MAGI2: variants seen among roughly 807,000 people sequenced by gnomAD.
MAGI2 encodes the protein membrane associated guanylate kinase, WW and PDZ domain containing 2.
MAGI2 carries 35 observed loss-of-function variants against 133.3 expected under a neutral mutation model. The observed-to-expected ratio is 0.26, with a 90% CI of 0.20 to 0.35. The LOEUF (loss-of-function observed/expected upper bound fraction) is 0.35. Among genes scored for constraint, MAGI2 ranks in the 10% least tolerant of loss-of-function variants. The pLI, the probability that MAGI2 is intolerant of heterozygous loss-of-function variation, is 1.00. For missense variants in MAGI2, 1,636 were observed against 1,863.4 expected (o/e 0.88, Z 2.25); for synonymous variants, 729 against 710.6 (o/e 1.03, Z -0.41).
intron 1 of MAGI2, among the ~76,000 whole-genome samples, chr7:79,377,139 A>G (rs745511762): frequency 2.0e-5 from 3 of 151,872 alleles, no homozygotes; most frequent in African/African-American, 4.8e-5. Context: ...AACGACTACA[A>G]CTTTAAAAAG....
intron 1 of MAGI2, among the ~76,000 whole-genome samples, chr7:79,016,669 C>T (rs182302221): frequency 1.3e-5 from 2 of 152,244 alleles, no homozygotes; most frequent in Non-Finnish European, 2.9e-5. Flanking sequence ...TGCTGTGACA[C>T]AGCTGCCAGT....
At chr7:78,077,004 A>C (rs976172244) in intron 21 of MAGI2, among the ~76,000 whole-genome samples, 9 of 152,090 alleles carry the variant, frequency 5.9e-5, no homozygotes, top group Admixed American at 1.3e-4. Context: ...GAGTTATGCC[A>C]CAGGCTGATC....
At chr7:78,112,892 T>C (rs1819495972) in intron 20 of MAGI2, among the ~76,000 whole-genome samples, 1 of 152,216 alleles carries the variant, frequency 6.6e-6, no homozygotes. Context: ...GGACAGCCAA[T>C]GACAGGTGGA....
rs1807886474 is a variant in MAGI2 at position 78,017,429 on chromosome 7, A to C, written c.*1886T>G. On this transcript the variant is annotated 3_prime_UTR_variant, in exon 22 of 22. Transcript: ENST00000354212. The stretch of plus-strand genomic sequence containing the variant: ...CAATTTTTTTTTCCTTTTGTAATAC[A>C]TGGAAAATAAAGTCAGAGGATACAG... The C allele has an allele frequency of 6.6e-6, 1 of 152,496 alleles. No individual in the cohort carries two copies. Among genetic ancestry groups the C allele is most frequent in the Non-Finnish European group, 1.5e-5 (1 of 68,034 alleles). 9.4% of individuals were successfully genotyped at this position (152,496 alleles called of 1,614,324 possible). A position where few individuals can be genotyped will look rare whatever the true frequency, so the allele number is the denominator to read the frequency against.
At chr7:78,159,991 C>G (rs775379977) in intron 16 of MAGI2, 34 bp downstream of exon 16, 1 of 1,524,818 alleles carries the variant, frequency 6.6e-7, no homozygotes, top group Admixed American at 2.0e-5. Context: ...AAACAAGACC[C>G]CTTATTCAAA....
intron 2 of MAGI2, among the ~76,000 whole-genome samples, chr7:78,728,540 CTTTTTTTTTTTTTTTTTTTTTTTTT>C (rs71085560): frequency 1.3e-4 from 8 of 60,070 alleles, no homozygotes; most frequent in African/African-American, 3.6e-4. Flanking sequence ...TTTCTCTGAT[CTTTTTTTTTTTTTTTTTTTTTTTTT>C]TTTTTTTTTT....
intron 2 of MAGI2, among the ~76,000 whole-genome samples, chr7:78,831,765 A>G (rs1167254032): frequency 1.3e-5 from 2 of 152,218 alleles, no homozygotes; most frequent in African/African-American, 4.8e-5. Flanking sequence ...CTGAAAAGTT[A>G]TATAGTGAAT....
At chr7:78,770,912 TCA>T (rs1825523111) in intron 2 of MAGI2, 1 of 152,308 alleles carries the variant, frequency 6.6e-6, no homozygotes, top group Non-Finnish European at 1.5e-5. Flanking sequence ...TCCATGGTCC[TCA>T]GTCAGTGTCT....
chr7:78,305,032 A>C lies in MAGI2; in HGVS notation c.1408+38746T>G, dbSNP rs567198840. ...ATCTTTACACCAGAATGTTGGCTGCATAAGGGCAGTGTCTTTTTTATTTCT... is the reference window on the plus strand; with the variant it reads ...ATCTTTACACCAGAATGTTGGCTGCCTAAGGGCAGTGTCTTTTTTATTTCT... On this transcript the variant is annotated intron_variant, in intron 9 of 21. Transcript: ENST00000354212. Among the ~76,000 whole-genome samples the C allele has an allele frequency of 2.6e-5, 4 of 152,322 alleles. No homozygotes were observed. In the South Asian group the frequency reaches 8.3e-4, roughly 32 times the overall value.
intron 10 of MAGI2, among the ~76,000 whole-genome samples, chr7:78,221,792 G>A (rs1788855940): frequency 6.6e-6 from 1 of 151,472 alleles, no homozygotes; most frequent in Non-Finnish European, 1.5e-5. Context: ...CAAGAGTTCA[G>A]GACCAGCCTA....
intron 1 of MAGI2, among the ~76,000 whole-genome samples, chr7:79,235,671 C>A (rs1237156465): frequency 6.6e-6 from 1 of 152,190 alleles, no homozygotes; most frequent in African/African-American, 2.4e-5. Context: ...GTGCGCGCAC[C>A]CACTGACCTG....
chr7:78,907,280 T>C (rs1289948501), intron 2 of MAGI2, among the ~76,000 whole-genome samples: 1 of 152,180 alleles, frequency 6.6e-6, no homozygotes, highest in Non-Finnish European at 1.5e-5. Flanking sequence ...TAATACCAGA[T>C]GTTAAATCAT....
intron 2 of MAGI2, among the ~76,000 whole-genome samples, chr7:78,906,551 A>C (rs1437396871): frequency 1.3e-5 from 2 of 152,182 alleles, no homozygotes; most frequent in African/African-American, 4.8e-5. Flanking sequence ...CATGGTTTAT[A>C]ATATTTTATC....
At chr7:78,783,328 T>C (rs1215826120) in intron 2 of MAGI2, among the ~76,000 whole-genome samples, 1 of 152,160 alleles carries the variant, frequency 6.6e-6, no homozygotes, top group African/African-American at 2.4e-5. Flanking sequence ...AAATAAAATC[T>C]GAAATGACCA....
At chr7:78,119,241 T>G (rs1820176066) in intron 20 of MAGI2, among the ~76,000 whole-genome samples, 1 of 152,120 alleles carries the variant, frequency 6.6e-6, no homozygotes, top group Non-Finnish European at 1.5e-5. Context: ...ATACATGCCA[T>G]TATACATTTG....
intron 9 of MAGI2, among the ~76,000 whole-genome samples, chr7:78,292,327 T>C (rs1796802544): frequency 6.6e-6 from 1 of 152,120 alleles, no homozygotes; most frequent in South Asian, 2.1e-4. Context: ...TGAACTCCCA[T>C]TCACAACTGC....
chr7:78,099,904 G>A (rs560755053), intron 20 of MAGI2, among the ~76,000 whole-genome samples: 9 of 152,306 alleles, frequency 5.9e-5, no homozygotes, highest in African/African-American at 2.2e-4. Context: ...TTTAAAAGGA[G>A]TGGGAATTCC....
chr7:78,801,947 A>T (rs535727443), intron 2 of MAGI2, among the ~76,000 whole-genome samples: 1 of 152,182 alleles, frequency 6.6e-6, no homozygotes, highest in African/African-American at 2.4e-5. Context: ...CCGAGGAAAC[A>T]CTGAGGTGAG....
intron 3 of MAGI2, among the ~76,000 whole-genome samples, chr7:78,561,167 G>A (rs1800363929): frequency 6.6e-6 from 1 of 152,130 alleles, no homozygotes; most frequent in Non-Finnish European, 1.5e-5. Context: ...AGACAAACTA[G>A]GAAGATACTG....
Sources: allele counts gnomAD v4.1 joint callset (sites outside exome capture counted in the v4.1 genomes callset), GRCh38; gene constraint gnomAD v4.1.1; transcripts MANE v1.5; gene names NCBI Gene and HGNC (gene_info 2026-07-23, HGNC 2026-07-21).